Variants in GLI2 observed in about 807,000 individuals in gnomAD.
GLI2 encodes GLI family zinc finger 2.
Under a neutral mutation model 78.9 loss-of-function variants are expected in GLI2, and 22 were observed. That is an observed-to-expected ratio of 0.28 (90% CI 0.20 to 0.40). GLI2 has a LOEUF of 0.40. GLI2 is among the 10% of genes least tolerant of loss of function. GLI2 has a pLI of 1.00. For missense variants in GLI2, 2,097 were observed against 2,213.2 expected (o/e 0.95, Z 1.05); for synonymous variants, 974 against 963.7 (o/e 1.01, Z -0.20).
At chr2:120,891,179 G>A (rs1677662067) in intron 2 of GLI2, among the ~76,000 whole-genome samples, 1 of 152,172 alleles carries the variant, frequency 6.6e-6, no homozygotes, top group African/African-American at 2.4e-5. Flanking sequence ...TGGGAGAGTA[G>A]CAGGCACCCC....
At chr2:120,749,795 T>C (rs540763967) in intron 1 of GLI2, among the ~76,000 whole-genome samples, 1 of 152,340 alleles carries the variant, frequency 6.6e-6, no homozygotes, top group East Asian at 1.9e-4. Flanking sequence ...GAAGTGCACA[T>C]GTCTTTAAAT....
chr2:120,957,224 C>T (rs139819678), intron 5 of GLI2, among the ~76,000 whole-genome samples: 8 of 152,296 alleles, frequency 5.3e-5, no homozygotes, highest in African/African-American at 1.7e-4. Context: ...AGAATTTGGT[C>T]CCTGTGTCTG....
intron 1 of GLI2, among the ~76,000 whole-genome samples, chr2:120,755,172 AC>A (rs1386175577): frequency 6.6e-6 from 1 of 152,206 alleles, no homozygotes; most frequent in Non-Finnish European, 1.5e-5. Flanking sequence ...TTAAGTAACC[AC>A]AAAACTGTTT....
chr2:120,936,557 G>A (rs977390655), intron 3 of GLI2, among the ~76,000 whole-genome samples: 5 of 152,182 alleles, frequency 3.3e-5, no homozygotes, highest in Non-Finnish European at 5.9e-5. Context: ...TCCCTATGCC[G>A]TGATTGTCCT....
chr2:120,750,017 C>T (rs1320004485), intron 1 of GLI2, among the ~76,000 whole-genome samples: 1 of 152,250 alleles, frequency 6.6e-6, no homozygotes, highest in African/African-American at 2.4e-5. Flanking sequence ...TCCCTCTCCT[C>T]CCTGGGGTCT....
chr2:120,981,285 A>T (rs1432775467), intron 10 of GLI2, among the ~76,000 whole-genome samples: 2 of 152,168 alleles, frequency 1.3e-5, no homozygotes, highest in Admixed American at 6.5e-5. Context: ...TGTTCTTTCC[A>T]TTTGAATGGT....
rs760434927 is a variant in GLI2 at position 120,989,984 on chromosome 2, G to A, written c.4019G>A (p.Gly1340Asp). Residue 1340 changes from glycine (G) to aspartate (D), a missense_variant, in exon 14 of 14, where the codon GGC becomes GAC. Physicochemically the swap from Gly to Asp is moderately conservative, Grantham distance 94 (BLOSUM62 -1). Coordinates refer to ENST00000361492, the MANE Select transcript of GLI2 (RefSeq NM_001374353.1). ...CCTGGCTTCATGGAGCCCCAAACAG[G>A]CCCGATGGGGGTGGCTACAGCAGGC... ...RQPGFMEPQT[G>D]PMGVATAGFG... 17 of 1,610,288 alleles carry A rather than the reference G, an allele frequency of 1.1e-5. No individual in the cohort carries two copies. Among genetic ancestry groups the A allele is most frequent in the African/African-American group, 2.7e-5 (2 of 74,898 alleles).
chr2:120,855,934 TA>T, intron 2 of GLI2, among the ~76,000 whole-genome samples: 1 of 152,072 alleles, frequency 6.6e-6, no homozygotes, highest in East Asian at 1.9e-4. Context: ...GAAAATCAGT[TA>T]CCCTATTTAA....
chr2:120,854,625 G>A (rs1345119484), intron 2 of GLI2, among the ~76,000 whole-genome samples: 1 of 152,206 alleles, frequency 6.6e-6, no homozygotes, highest in Non-Finnish European at 1.5e-5. Flanking sequence ...ATGTTCTGAG[G>A]TTTTCTGCTT....
chr2:120,825,927 G>C (rs752871234), intron 2 of GLI2, among the ~76,000 whole-genome samples: 4 of 152,250 alleles, frequency 2.6e-5, no homozygotes, highest in Non-Finnish European at 2.9e-5. Context: ...AGCCTTGGCT[G>C]CTCAGAGCTT....
intron 2 of GLI2, among the ~76,000 whole-genome samples, chr2:120,922,598 A>G (rs905617236): frequency 6.6e-6 from 1 of 152,202 alleles, no homozygotes; most frequent in Non-Finnish European, 1.5e-5. Flanking sequence ...TTAATGGTAA[A>G]ACTAAAGGTG....
intron 2 of GLI2, among the ~76,000 whole-genome samples, chr2:120,913,064 A>G (rs1330347711): frequency 2.0e-5 from 3 of 152,242 alleles, no homozygotes; most frequent in East Asian, 3.8e-4. Flanking sequence ...TAAGCGACCA[A>G]ATAGAAGTCT....
chr2:120,942,332 ACT>A (rs901360905), intron 3 of GLI2, among the ~76,000 whole-genome samples: 22 of 151,854 alleles, frequency 1.4e-4, no homozygotes, highest in African/African-American at 5.3e-4. Flanking sequence ...CCCAGGGGAG[ACT>A]CTGTCCTTGC....
chr2:120,878,442 G>A (rs1259962197), intron 2 of GLI2, among the ~76,000 whole-genome samples: 3 of 152,162 alleles, frequency 2.0e-5, no homozygotes, highest in African/African-American at 7.2e-5. Context: ...AAAGGGGAAA[G>A]TTTAAATAAA....
At chr2:120,953,683 A>T (rs1046337837) in intron 4 of GLI2, among the ~76,000 whole-genome samples, 11 of 152,118 alleles carry the variant, frequency 7.2e-5, no homozygotes, top group African/African-American at 2.4e-4. Flanking sequence ...CACTGATTGC[A>T]GTGTAGCCCA....
chr2:120,962,406 C>T (rs888975066), intron 5 of GLI2, among the ~76,000 whole-genome samples: 1 of 152,192 alleles, frequency 6.6e-6, no homozygotes, highest in African/African-American at 2.4e-5. Context: ...CAGAGGCTTC[C>T]CTGCCCAGAG....
intron 2 of GLI2, among the ~76,000 whole-genome samples, chr2:120,871,994 G>A (rs1317170795): frequency 1.3e-5 from 2 of 152,208 alleles, no homozygotes; most frequent in East Asian, 1.9e-4. Context: ...TGACAACCAC[G>A]ACGTCACATT....
chr2:120,845,566 C>T (rs1386092031), intron 2 of GLI2, among the ~76,000 whole-genome samples: 1 of 152,156 alleles, frequency 6.6e-6, no homozygotes, highest in African/African-American at 2.4e-5. Context: ...TTTTGGGTGG[C>T]CTGGGGACTG....
At chr2:120,836,265 T>C (rs1432026406) in intron 2 of GLI2, among the ~76,000 whole-genome samples, 1 of 152,218 alleles carries the variant, frequency 6.6e-6, no homozygotes, top group Non-Finnish European at 1.5e-5. Context: ...CCGTTTTTAC[T>C]TTATATGTAA....
Sources: gnomAD v4.1 joint callset for allele counts (sites outside exome capture counted in the v4.1 genomes callset) on GRCh38, gnomAD v4.1.1 for gene constraint, MANE v1.5 for transcripts, NCBI Gene and HGNC (gene_info 2026-07-23, HGNC 2026-07-21) for gene names.